Variants in ICE2 observed in about 807,000 individuals in gnomAD.
ICE2 encodes the protein little elongation complex subunit 2.
A neutral mutation model predicts 105.4 loss-of-function variants in ICE2; 87 were observed. That is an observed-to-expected ratio of 0.83 (90% CI 0.69 to 0.99). The LOEUF (loss-of-function observed/expected upper bound fraction) is 0.99, where lower values mean the gene tolerates loss of function less well. ICE2 is among the 50% of genes least tolerant of loss of function. ICE2 has a pLI of 0.00. For synonymous variants in ICE2, 399 were observed against 392.0 expected (o/e 1.02, Z -0.21); for missense variants, 1,323 against 1,146.7 (o/e 1.15, Z -2.22).
chr15:60,456,533 C>A, intron 6 of ICE2, 124 bp downstream of exon 6: 1 of 87,866 alleles, frequency 1.1e-5, no homozygotes. Flanking sequence ...GAGAGAGACT[C>A]TGTCTCCAAA....
At chr15:60,447,836 A>G in intron 11 of ICE2, 134 bp downstream of exon 11, 1 of 718,724 alleles carries the variant, frequency 1.4e-6, no homozygotes, top group Non-Finnish European at 2.2e-6. Flanking sequence ...AGTAAAAACA[A>G]AAAACAAAAA....
chr15:60,445,760 A>T, intron 11 of ICE2: 3 of 985,434 alleles, frequency 3.0e-6, no homozygotes, highest in Non-Finnish European at 3.6e-6. Context: ...CTTAAGAGAT[A>T]CCGGCCATCA....
rs2064021355 is a variant in ICE2 at position 60,453,623 on chromosome 15, C to G, written c.1105G>C (p.Glu369Gln). 1.2e-6 allele frequency: 2 copies of G among 1,613,310 alleles called. No individual in the cohort carries two copies. Among genetic ancestry groups the G allele is most frequent in the African/African-American group, 1.3e-5 (1 of 74,882 alleles). ...CATACGTCCATTTCAGATATAAACT[C>G]TTCAGGTTTGTCCATAAAGACTGCA... ...VSAVFMDKPE[E>Q]FISEMDMSCE... Residue 369 changes from glutamate (E) to glutamine (Q), a missense_variant, in exon 9 of 16, where the codon GAG becomes CAG. Physicochemically the swap from Glu to Gln is conservative, Grantham distance 29. Transcript: ENST00000261520.
chr15:60,433,580 T>C (rs2063511573), intron 13 of ICE2, among the ~76,000 whole-genome samples: 1 of 151,770 alleles, frequency 6.6e-6, no homozygotes, highest in African/African-American at 2.4e-5. Flanking sequence ...CAACCTCCGC[T>C]CCTGGGTTCA....
intron 5 of ICE2, among the ~76,000 whole-genome samples, chr15:60,464,551 T>C (rs1014576773): frequency 6.6e-6 from 1 of 151,856 alleles, no homozygotes; most frequent in African/African-American, 2.4e-5. Context: ...GGGGAATAGA[T>C]TGAGAAAAAT....
chr15:60,468,514 G>C (rs1272819732), intron 3 of ICE2, among the ~76,000 whole-genome samples, 192 bp from the exon 4 acceptor site: 1 of 152,180 alleles, frequency 6.6e-6, no homozygotes, highest in East Asian at 1.9e-4. Flanking sequence ...TGTGGCATAT[G>C]ATCACAATGC....
At chr15:60,472,582 A>G (rs997805081) in intron 3 of ICE2, among the ~76,000 whole-genome samples, 5 of 152,236 alleles carry the variant, frequency 3.3e-5, no homozygotes, top group African/African-American at 1.2e-4. Context: ...TAAGAAAAAA[A>G]TATTTTAGGA....
At position 60,423,602 on chromosome 15, in the gene ICE2, T is replaced by C; in HGVS notation, c.*32A>G. The C allele has an allele frequency of 6.3e-7, 1 of 1,575,910 alleles. No individual in the cohort carries two copies. The highest frequency in any genetic ancestry group is 8.6e-7 in the Non-Finnish European group (1 of 1,164,264). On this transcript the variant is annotated 3_prime_UTR_variant, in exon 16 of 16. Transcript: ENST00000261520. Reference sequence around the variant, plus strand: ...CTAAATTAAACACTGTTATAACTGTTTTTTTAAATTTAGTTTTCCATGGTA... The same window carrying C: ...CTAAATTAAACACTGTTATAACTGTCTTTTTAAATTTAGTTTTCCATGGTA...
chr15:60,452,997 G>A, intron 9 of ICE2: 1 of 960,932 alleles, frequency 1.0e-6, no homozygotes, highest in African/African-American at 1.8e-5. Context: ...TTGGGTGGCT[G>A]AGATGGGTGG....
chr15:60,450,798 T>C (rs1055202130), intron 9 of ICE2, among the ~76,000 whole-genome samples: 1 of 152,244 alleles, frequency 6.6e-6, no homozygotes, highest in African/African-American at 2.4e-5. Flanking sequence ...AGAAAATCTC[T>C]TGGCATAGTG....
chr15:60,477,490 G>T (rs1467014895), intron 2 of ICE2, among the ~76,000 whole-genome samples: 1 of 152,096 alleles, frequency 6.6e-6, no homozygotes. Context: ...ATTTAACCAG[G>T]TTCTCTATTT....
chr15:60,436,264 T>C (rs187907063), intron 12 of ICE2, 37 bp from the exon 13 acceptor site: 4 of 812,066 alleles, frequency 4.9e-6, no homozygotes, highest in East Asian at 5.9e-5. Flanking sequence ...GAAGAAGCAA[T>C]TGCAGTATTT....
Position 60,466,732 on chromosome 15 carries a change from G to C in ICE2, c.409-19C>G. The C allele has an allele frequency of 1.3e-6, 2 of 1,578,042 alleles. No homozygotes were observed. Among genetic ancestry groups the C allele is most frequent in the Non-Finnish European group, 1.7e-6 (2 of 1,162,570 alleles). ...TCATATCCTGATTTTTAAAAAAGTA[G>C]ACATGTCTTGGGATAAAAAGTTTCA... On this transcript the variant is annotated intron_variant, in intron 4 of 15. Coordinates refer to ENST00000261520, the MANE Select transcript of ICE2 (RefSeq NM_024611.6).
At chr15:60,455,215 C>T in intron 7 of ICE2, 53 bp from the exon 8 acceptor site, 2 of 1,531,792 alleles carry the variant, frequency 1.3e-6, no homozygotes, top group Non-Finnish European at 8.8e-7. Context: ...AAAATTTCTT[C>T]AATAAAGAAC....
At chr15:60,425,310 C>G (rs1295450299) in intron 15 of ICE2, among the ~76,000 whole-genome samples, 1 of 152,150 alleles carries the variant, frequency 6.6e-6, no homozygotes, top group East Asian at 1.9e-4. Context: ...CTATACCACT[C>G]CTCACTCAGC....
intron 15 of ICE2, 113 bp from the exon 16 acceptor site, chr15:60,423,875 A>G: frequency 1.1e-6 from 1 of 948,050 alleles, no homozygotes; most frequent in Non-Finnish European, 1.4e-6. Context: ...AAGCTCTTAT[A>G]TATTTTTCAT....
rs2064816317 is a variant in ICE2, at chr15:60,478,072, G to A, written c.-92-3C>T. On this transcript the variant is annotated splice_polypyrimidine_tract_variant and splice_region_variant and intron_variant, in intron 1 of 15. Coordinates refer to ENST00000261520, the MANE Select transcript of ICE2 (RefSeq NM_024611.6). ...GGATCCCTCCAGAACTTACTCAGCT[G>A]AGTAAAAACAAAAGGCCAAGATCAA... The A allele has an allele frequency of 1.7e-6, 2 of 1,164,558 alleles. No homozygotes were observed. Among genetic ancestry groups the A allele is most frequent in the Admixed American group, 1.7e-5 (1 of 57,942 alleles). 72.1% of individuals were successfully genotyped at this position (1,164,558 alleles called of 1,614,324 possible).
intron 11 of ICE2, among the ~76,000 whole-genome samples, chr15:60,446,717 A>C (rs927846543): frequency 6.6e-6 from 1 of 152,168 alleles, no homozygotes; most frequent in Non-Finnish European, 1.5e-5. Context: ...AATATGATAC[A>C]GTAGTCAGGA....
At chr15:60,478,117 C>T (rs2064818129) in intron 1 of ICE2, 48 bp from the exon 2 acceptor site, 1 of 744,566 alleles carries the variant, frequency 1.3e-6, no homozygotes, top group Non-Finnish European at 2.4e-6. Context: ...ATTGGCTAGG[C>T]CAGGTGCTAT....
Sources: allele counts gnomAD v4.1 joint callset (sites outside exome capture counted in the v4.1 genomes callset), GRCh38; gene constraint gnomAD v4.1.1; transcripts MANE v1.5; gene names NCBI Gene and HGNC (gene_info 2026-07-23, HGNC 2026-07-21).